ZRANB2: variants seen among roughly 807,000 people sequenced by gnomAD.
The protein encoded by ZRANB2 is zinc finger Ran-binding domain-containing protein 2.
A neutral mutation model predicts 53.4 loss-of-function variants in ZRANB2; 19 were observed. The observed-to-expected ratio is 0.36, with a 90% CI of 0.25 to 0.52. ZRANB2 has a LOEUF of 0.52. Ranked by LOEUF, ZRANB2 falls within the 20% of genes least tolerant of loss-of-function variation. ZRANB2 has a pLI of 0.93. For synonymous variants in ZRANB2, 145 were observed against 134.8 expected, an observed-to-expected ratio of 1.08 and a Z score of -0.52; for missense variants, 309 against 401.1, an observed-to-expected ratio of 0.77 and a Z score of 1.96.
intron 8 of ZRANB2, among the ~76,000 whole-genome samples, chr1:71,068,080 G>A (rs1661495134): frequency 6.6e-6 from 1 of 151,994 alleles, no homozygotes; most frequent in Non-Finnish European, 1.5e-5. Context: ...GCCCAGGCTG[G>A]TCTTGAACTC....
At chr1:71,080,355 G>A (rs1661811609) in intron 1 of ZRANB2, among the ~76,000 whole-genome samples, 1 of 151,980 alleles carries the variant, frequency 6.6e-6, no homozygotes, top group Non-Finnish European at 1.5e-5. Flanking sequence ...CTCCTTTTCG[G>A]CTCTAAGGAG....
chr1:71,068,588 A>C (rs759063358), intron 8 of ZRANB2, among the ~76,000 whole-genome samples: 5 of 152,154 alleles, frequency 3.3e-5, no homozygotes, highest in Non-Finnish European at 5.9e-5. Flanking sequence ...TCTATAAATA[A>C]TAGCGTGTGT....
chr1:71,072,860 C>T (rs1435429474), intron 4 of ZRANB2, among the ~76,000 whole-genome samples: 1 of 152,108 alleles, frequency 6.6e-6, no homozygotes, highest in African/African-American at 2.4e-5. Flanking sequence ...AAAGGACTTT[C>T]CTCTACAGTT....
intron 7 of ZRANB2, among the ~76,000 whole-genome samples, chr1:71,069,846 G>A (rs2101044736): frequency 6.6e-6 from 1 of 152,088 alleles, no homozygotes; most frequent in South Asian, 2.1e-4. Flanking sequence ...AGAATTAAAG[G>A]GAAAATGTAT....
At chr1:71,070,376 C>T (rs1178905256) in intron 7 of ZRANB2, among the ~76,000 whole-genome samples, 3 of 151,974 alleles carry the variant, frequency 2.0e-5, no homozygotes, top group South Asian at 4.2e-4. Context: ...GAATTTGCTC[C>T]GTTATTCACA....
chr1:71,080,742 C>T (rs967162986), intron 1 of ZRANB2, among the ~76,000 whole-genome samples, 198 bp downstream of exon 1: 1 of 152,146 alleles, frequency 6.6e-6, no homozygotes, highest in Admixed American at 6.5e-5. Context: ...ACGCTGAAGA[C>T]ATATCTAGAA....
chr1:71,080,741 A>G (rs1661826388), intron 1 of ZRANB2, among the ~76,000 whole-genome samples, 199 bp downstream of exon 1: 1 of 152,176 alleles, frequency 6.6e-6, no homozygotes, highest in Non-Finnish European at 1.5e-5. Context: ...AACGCTGAAG[A>G]CATATCTAGA....
intron 1 of ZRANB2, among the ~76,000 whole-genome samples, chr1:71,080,632 C>T (rs937245552): frequency 8.2e-5 from 10 of 122,186 alleles, no homozygotes; most frequent in African/African-American, 3.3e-4. Flanking sequence ...TTTCCTATCG[C>T]TAAAACCTGG....
chr1:71,080,374 C>A (rs1393727568), intron 1 of ZRANB2, among the ~76,000 whole-genome samples: 1 of 152,024 alleles, frequency 6.6e-6, no homozygotes, highest in African/African-American at 2.4e-5. Context: ...AGGCGAAAAG[C>A]CCAATTCTTG....
chr1:71,068,822 T>A (rs1661526401), intron 8 of ZRANB2, among the ~76,000 whole-genome samples: 1 of 151,586 alleles, frequency 6.6e-6, no homozygotes. Context: ...GAGACACTCC[T>A]CTGTCACCCA....
intron 1 of ZRANB2, among the ~76,000 whole-genome samples, chr1:71,079,643 T>C (rs1661791477): frequency 6.6e-6 from 1 of 152,222 alleles, no homozygotes; most frequent in African/African-American, 2.4e-5. Flanking sequence ...TTAAACATAT[T>C]GTACAAACAA....
Position 71,080,966 on chromosome 1 carries a change from G to C in ZRANB2, c.30C>G (p.Asp10Glu), listed in dbSNP as rs1365278238. ...TTTTGTCAGGGCAAATCCAGTCCCC[G>C]TCACTGACTCGGAAATTCTTGGTCG... MSTKNFRVS[D>E]GDWICPDKKC... Residue 10 changes from aspartate (D) to glutamate (E), a missense_variant, in exon 1 of 10, where the codon GAC (aspartate) becomes GAG (glutamate). Physicochemically the swap from Asp to Glu is conservative, Grantham distance 45 (BLOSUM62 2). This residue lies in a region of ZRANB2 where 24 missense variants were observed against 24.9 expected (regional missense o/e 0.96). Coordinates refer to ENST00000370920, the MANE Select transcript of ZRANB2 (RefSeq NM_203350.3). 3 of 1,614,136 alleles carry C rather than the reference G, an allele frequency of 1.9e-6. No individual in the cohort carries two copies. The highest frequency in any genetic ancestry group is 2.7e-5 in the African/African-American group (2 of 75,030).
chr1:71,065,070 T>C lies in ZRANB2; in HGVS notation c.*4A>G, dbSNP rs1334047031. On this transcript the variant is annotated 3_prime_UTR_variant, in exon 10 of 10. Coordinates refer to ENST00000370920, the MANE Select transcript of ZRANB2 (RefSeq NM_203350.3). ...GATTTTTTTAAGATGTAAATTTTAATACATTATTTCTTTTTTGAACTTGAA... is the reference window on the plus strand; with the variant it reads ...GATTTTTTTAAGATGTAAATTTTAACACATTATTTCTTTTTTGAACTTGAA... 3 of 1,602,318 alleles carry C rather than the reference T, an allele frequency of 1.9e-6. No homozygotes were observed. Among genetic ancestry groups the C allele is most frequent in the Non-Finnish European group, 2.6e-6 (3 of 1,171,362 alleles).
intron 8 of ZRANB2, among the ~76,000 whole-genome samples, 170 bp downstream of exon 8, chr1:71,069,106 T>C (rs957514650): frequency 3.9e-5 from 6 of 152,098 alleles, no homozygotes; most frequent in African/African-American, 9.7e-5. Context: ...CTGCTGGCAA[T>C]GGAAACATTT....
chr1:71,078,305 C>T (rs1661755709), intron 3 of ZRANB2, 152 bp downstream of exon 3: 4 of 648,302 alleles, frequency 6.2e-6, no homozygotes, highest in South Asian at 2.0e-5. Context: ...CTTCTTTATA[C>T]TATACTTAAA....
At chr1:71,073,452 GATTT>G (rs1184087122) in intron 4 of ZRANB2, among the ~76,000 whole-genome samples, 18 of 151,612 alleles carry the variant, frequency 1.2e-4, no homozygotes, top group African/African-American at 4.1e-4. Context: ...ATATTAAATA[GATTT>G]ATAATAAAAA....
chr1:71,071,146 A>C, intron 6 of ZRANB2, 150 bp from the exon 7 acceptor site: 1 of 637,214 alleles, frequency 1.6e-6, no homozygotes, highest in Non-Finnish European at 2.4e-6. Context: ...CACCTACTAA[A>C]CTCATCTCAA....
At chr1:71,075,553 A>G (rs759377230) in intron 4 of ZRANB2, among the ~76,000 whole-genome samples, 1 of 152,174 alleles carries the variant, frequency 6.6e-6, no homozygotes, top group Non-Finnish European at 1.5e-5. Flanking sequence ...TTGGGCTTAG[A>G]AGAAAACACC....
rs777137518 is a variant in ZRANB2, at chr1:71,072,102, G to A, written c.513+19C>T. 3.7e-6 allele frequency: 6 copies of A among 1,601,212 alleles called. No homozygotes were observed. ...ACTCCAATAAGACAAAAGGGAAATA[G>A]GACAAGAAAATTGTTCACCTCATCT... On this transcript the variant is annotated intron_variant, in intron 6 of 9. Coordinates refer to ENST00000370920, the MANE Select transcript of ZRANB2 (RefSeq NM_203350.3).
Sources: allele counts gnomAD v4.1 joint callset (sites outside exome capture counted in the v4.1 genomes callset), GRCh38; gene constraint gnomAD v4.1.1; regional missense constraint gnomAD v4.1.1; transcripts MANE v1.5; gene names NCBI Gene and HGNC (gene_info 2026-07-23, HGNC 2026-07-21).